Variants in FOXP2 observed in about 807,000 individuals in gnomAD.
The protein encoded by FOXP2 is forkhead box protein P2.
FOXP2 carries 12 observed loss-of-function variants against 115.8 expected under a neutral mutation model. The observed-to-expected ratio is 0.10, with a 90% CI of 0.07 to 0.17. The LOEUF is 0.17. Ranked by LOEUF, FOXP2 falls within the 10% of genes least tolerant of loss-of-function variation. The pLI is 1.00. For synonymous variants in FOXP2, 328 were observed against 297.7 expected (o/e 1.10, Z -1.05); for missense variants, 629 against 843.5 (o/e 0.75, Z 3.15).
chr7:114,265,559 G>T (rs1264725446), intron 1 of FOXP2, among the ~76,000 whole-genome samples: 1 of 152,104 alleles, frequency 6.6e-6, no homozygotes, highest in Non-Finnish European at 1.5e-5. Flanking sequence ...CCAGTCTGGG[G>T]TCTGGAGCAT....
chr7:114,332,802 G>T (rs1797744165), intron 2 of FOXP2, among the ~76,000 whole-genome samples: 1 of 152,164 alleles, frequency 6.6e-6, no homozygotes, highest in Non-Finnish European at 1.5e-5. Context: ...GTTTAAAAGA[G>T]TTGGTGATGC....
chr7:114,586,556 T>A (rs905587910), intron 3 of FOXP2, among the ~76,000 whole-genome samples: 1 of 152,098 alleles, frequency 6.6e-6, no homozygotes, highest in African/African-American at 2.4e-5. Context: ...TATATAATAA[T>A]CATTTGTAGT....
In FOXP2 at chr7:114,211,899, C is replaced by A. The variant is rs1227467987; in HGVS notation, c.-102+48811C>A. On this transcript the variant is annotated intron_variant, in intron 1 of 17. Coordinates refer to the FOXP2 transcript ENST00000634411. ...ACCAGCCTTGCCAACATGGCAAAAC[C>A]TCTTCTCTACTAAAAATACAAAAAT... 2.6e-5 allele frequency among the ~76,000 whole-genome samples: 4 copies of A among 152,068 alleles called. No homozygotes were observed. In the East Asian group the frequency reaches 7.8e-4, roughly 30 times the overall value.
At chr7:114,254,197 C>T (rs546328813) in intron 1 of FOXP2, among the ~76,000 whole-genome samples, 1 of 152,282 alleles carries the variant, frequency 6.6e-6, no homozygotes, top group South Asian at 2.1e-4. Context: ...TTGTGGGTAA[C>T]CCGACCTTTC....
intron 3 of FOXP2, among the ~76,000 whole-genome samples, chr7:114,606,008 G>T (rs927297948): frequency 6.6e-6 from 1 of 152,102 alleles, no homozygotes; most frequent in Non-Finnish European, 1.5e-5. Flanking sequence ...ATGAAAAATG[G>T]CCAGGTATGG....
chr7:114,501,816 A>G (rs1393891611), intron 2 of FOXP2, among the ~76,000 whole-genome samples: 1 of 152,092 alleles, frequency 6.6e-6, no homozygotes, highest in African/African-American at 2.4e-5. Context: ...TTAACTTAAA[A>G]TCTTGTAAGG....
intron 1 of FOXP2, among the ~76,000 whole-genome samples, chr7:114,193,357 A>G (rs1360468832): frequency 1.3e-5 from 2 of 151,666 alleles, no homozygotes; most frequent in Admixed American, 6.6e-5. Flanking sequence ...GTAGTGAACA[A>G]CTCTTGGTTT....
intron 6 of FOXP2, among the ~76,000 whole-genome samples, chr7:114,632,904 T>C (rs987084387): frequency 6.6e-6 from 1 of 152,160 alleles, no homozygotes; most frequent in Non-Finnish European, 1.5e-5. Context: ...TATCAATGAA[T>C]GTTCTATTCA....
At chr7:114,216,953 T>A (rs12671217) in intron 1 of FOXP2, among the ~76,000 whole-genome samples, 7 of 152,182 alleles carry the variant, frequency 4.6e-5, no homozygotes, top group Non-Finnish European at 7.4e-5. Context: ...TTGATAATTT[T>A]AAAAATAATC....
At chr7:114,272,506 G>A (rs559740336) in intron 1 of FOXP2, among the ~76,000 whole-genome samples, 1 of 151,956 alleles carries the variant, frequency 6.6e-6, no homozygotes, top group Admixed American at 6.6e-5. Context: ...ACCAACAGGG[G>A]CCTGGTGCTT....
At chr7:114,195,071 T>C (rs1016382571) in intron 1 of FOXP2, among the ~76,000 whole-genome samples, 5 of 152,142 alleles carry the variant, frequency 3.3e-5, no homozygotes, top group Admixed American at 1.3e-4. Context: ...TGATTGTTGG[T>C]TTTTGAGTCT....
chr7:114,096,358 C>T (rs1247566478), intron 1 of FOXP2, among the ~76,000 whole-genome samples: 2 of 152,146 alleles, frequency 1.3e-5, no homozygotes, highest in Admixed American at 6.5e-5. Flanking sequence ...GGTTTTAAAA[C>T]GTTATTGTCT....
At position 114,472,214 on chromosome 7, in the gene FOXP2, T is replaced by TA. The variant is rs779271592; in HGVS notation, c.168+45544dup. On this transcript the variant is annotated intron_variant, in intron 2 of 16. Coordinates refer to ENST00000350908, the MANE Select transcript of FOXP2 (RefSeq NM_014491.4). ...ATGAAGCCCCTTGAACTTTTAAAGT[T>TA]AAAAAAAAAGAACTTGACAAGAGAA... is the stretch of plus-strand genomic sequence containing the variant. Among the ~76,000 whole-genome samples, 115 of 150,854 alleles carry TA rather than the reference T, an allele frequency of 7.6e-4. 1 individual carries two copies. The Middle Eastern group carries it at 0.017, about 22-fold the overall frequency.
intron 6 of FOXP2, among the ~76,000 whole-genome samples, chr7:114,638,242 T>C (rs1012403065): frequency 6.6e-6 from 1 of 152,180 alleles, no homozygotes; most frequent in Non-Finnish European, 1.5e-5. Context: ...TCTTGGGTTT[T>C]TCTTGCTCAA....
intron 2 of FOXP2, among the ~76,000 whole-genome samples, chr7:114,526,759 C>T (rs1337838553): frequency 6.6e-6 from 1 of 151,928 alleles, no homozygotes; most frequent in East Asian, 1.9e-4. Context: ...TCATCCTGTC[C>T]TCTCACAATT....
At chr7:114,635,536 G>A (rs1274791936) in intron 6 of FOXP2, among the ~76,000 whole-genome samples, 1 of 152,102 alleles carries the variant, frequency 6.6e-6, no homozygotes, top group Non-Finnish European at 1.5e-5. Context: ...CAAGCTACCT[G>A]TGAATGCTGT....
At chr7:114,606,733 G>A (rs1803353172) in intron 3 of FOXP2, among the ~76,000 whole-genome samples, 2 of 152,114 alleles carry the variant, frequency 1.3e-5, no homozygotes, top group East Asian at 3.8e-4. Context: ...CATAGAGGTG[G>A]TAGTGAACAG....
intron 2 of FOXP2, among the ~76,000 whole-genome samples, chr7:114,317,243 G>A (rs1176342646): frequency 1.3e-5 from 2 of 152,128 alleles, no homozygotes; most frequent in Non-Finnish European, 2.9e-5. Context: ...CCTGTTGAGA[G>A]ACAGTCACTG....
chr7:114,110,289 A>C (rs1308674414), intron 1 of FOXP2, among the ~76,000 whole-genome samples: 1 of 152,140 alleles, frequency 6.6e-6, no homozygotes, highest in African/African-American at 2.4e-5. Context: ...GAAACTTAGG[A>C]TCTTGAATTG....
Sources: allele counts gnomAD v4.1 joint callset (sites outside exome capture counted in the v4.1 genomes callset), GRCh38; gene constraint gnomAD v4.1.1; transcripts MANE v1.5; gene names NCBI Gene and HGNC (gene_info 2026-07-23, HGNC 2026-07-21).